The following RIMKLB variants were observed in gnomAD, a reference collection of about 807,000 sequenced individuals.
RIMKLB encodes ribosomal modification protein rimK like family member B, also known as beta-citrylglutamate synthase B.
In RIMKLB, 7 loss-of-function variants were observed where a neutral mutation model predicts 32.0. The ratio of observed to expected loss-of-function variants is 0.22; its 90% CI spans 0.12 to 0.41. The LOEUF (loss-of-function observed/expected upper bound fraction) is 0.41, where lower values mean the gene tolerates loss of function less well. Ranked by LOEUF, RIMKLB falls within the 10% of genes least tolerant of loss-of-function variation. RIMKLB has a pLI of 1.00. For synonymous variants in RIMKLB, 172 were observed against 185.1 expected, an observed-to-expected ratio of 0.93 and a Z score of 0.57; for missense variants, 289 against 498.7, an observed-to-expected ratio of 0.58 and a Z score of 4.00.
At chr12:8,768,661 C>G (rs180755541) in intron 5 of RIMKLB, among the ~76,000 whole-genome samples, 74 of 152,254 alleles carry the variant, frequency 4.9e-4, no homozygotes, top group East Asian at 3.9e-4. Context: ...AGCCGTGAAC[C>G]TTTCTCATCC....
intron 5 of RIMKLB, among the ~76,000 whole-genome samples, chr12:8,761,859 G>A (rs1397238094): frequency 6.6e-6 from 1 of 152,122 alleles, no homozygotes; most frequent in Non-Finnish European, 1.5e-5. Flanking sequence ...AGATTTCCTC[G>A]GGAGGGGTGC....
chr12:8,727,529 A>G (rs1946141870), intron 2 of RIMKLB, among the ~76,000 whole-genome samples: 2 of 152,172 alleles, frequency 1.3e-5, no homozygotes, highest in Non-Finnish European at 2.9e-5. Flanking sequence ...GAGCCACTGC[A>G]CTCAGCCAAA....
intron 2 of RIMKLB, among the ~76,000 whole-genome samples, chr12:8,745,493 C>G (rs1248872624): frequency 6.6e-6 from 1 of 151,640 alleles, no homozygotes; most frequent in Non-Finnish European, 1.5e-5. Flanking sequence ...CTCCCTGGTT[C>G]AAGCAGTTCT....
chr12:8,670,026 CAAAAAAAAA>C, the RIMKLB span, among the ~76,000 whole-genome samples: 13 of 36,944 alleles, frequency 3.5e-4, no homozygotes, highest in African/African-American at 1.2e-3. Context: ...GACTCCGTCT[CAAAAAAAAA>C]AAAAAAAAAA....
At chr12:8,673,378 A>G in the RIMKLB span, among the ~76,000 whole-genome samples, 1 of 152,146 alleles carries the variant, frequency 6.6e-6, no homozygotes, top group East Asian at 1.9e-4. Context: ...TTAACAAACT[A>G]CACCAAAAAC....
chr12:8,755,059 C>G (rs12820254), intron 5 of RIMKLB, among the ~76,000 whole-genome samples: 2,041 of 152,324 alleles, frequency 0.013, 18 homozygotes, highest in Admixed American at 0.035. Flanking sequence ...TCAAGTGATT[C>G]TCCTGCCTTA....
At chr12:8,764,349 A>G (rs1291825399) in intron 5 of RIMKLB, among the ~76,000 whole-genome samples, 5 of 152,154 alleles carry the variant, frequency 3.3e-5, no homozygotes, top group South Asian at 2.1e-4. Context: ...TCCTTGTCCT[A>G]TATTCAGGTG....
chr12:8,698,371 T>C (rs991696114), intron 1 of RIMKLB, 74 bp downstream of exon 1: 6 of 189,952 alleles, frequency 3.2e-5, no homozygotes, highest in Non-Finnish European at 2.3e-5. Flanking sequence ...AGTGGGCGAG[T>C]TCAGCGGAAT....
chr12:8,720,440 G>A (rs1232697103), intron 2 of RIMKLB, among the ~76,000 whole-genome samples: 2 of 152,148 alleles, frequency 1.3e-5, no homozygotes, highest in African/African-American at 4.8e-5. Context: ...AAGGGTCTCT[G>A]TTCACATGGA....
intron 1 of RIMKLB, among the ~76,000 whole-genome samples, chr12:8,687,514 T>G (rs1942610531): frequency 1.3e-5 from 2 of 152,322 alleles, no homozygotes; most frequent in South Asian, 4.1e-4. Flanking sequence ...TTTCTCCTTT[T>G]ATTTTCACAC....
At chr12:8,703,369 A>G (rs1269371567) in intron 1 of RIMKLB, among the ~76,000 whole-genome samples, 1 of 152,210 alleles carries the variant, frequency 6.6e-6, no homozygotes, top group African/African-American at 2.4e-5. Flanking sequence ...TTTGTCACCC[A>G]GGCTGAAGTA....
At chr12:8,690,951 T>C (rs769670659) in intron 1 of RIMKLB, among the ~76,000 whole-genome samples, 9 of 151,914 alleles carry the variant, frequency 5.9e-5, no homozygotes, top group Non-Finnish European at 1.2e-4. Flanking sequence ...AAAAAGAAGA[T>C]AATCCAAACC....
upstream of RIMKLB, among the ~76,000 whole-genome samples, chr12:8,694,388 TTTTTTTTC>T (rs993605376): frequency 6.3e-5 from 6 of 95,774 alleles, no homozygotes; most frequent in South Asian, 1.4e-3. Context: ...TCCTGTTGAA[TTTTTTTTC>T]TTTTTTTTTT....
chr12:8,679,174 T>C (rs989460778), upstream of RIMKLB: 1 of 152,172 alleles, frequency 6.6e-6, no homozygotes, highest in African/African-American at 2.4e-5. Flanking sequence ...CTGAGCCATT[T>C]ATTCTTTGTT....
At chr12:8,759,881 C>G (rs1949370423) in intron 5 of RIMKLB, among the ~76,000 whole-genome samples, 1 of 152,272 alleles carries the variant, frequency 6.6e-6, no homozygotes, top group South Asian at 2.1e-4. Flanking sequence ...ATTAGAGATT[C>G]TATTAGAGTG....
intron 1 of RIMKLB, among the ~76,000 whole-genome samples, chr12:8,688,995 C>T (rs920081453): frequency 6.6e-6 from 1 of 152,058 alleles, no homozygotes; most frequent in Non-Finnish European, 1.5e-5. Context: ...ACACCACACC[C>T]GACTAATTTT....
intron 1 of RIMKLB, among the ~76,000 whole-genome samples, chr12:8,701,215 T>C (rs1943366711): frequency 6.6e-6 from 1 of 152,244 alleles, no homozygotes; most frequent in South Asian, 2.1e-4. Flanking sequence ...GTACAGATGT[T>C]GGAAATTGTC....
intron 2 of RIMKLB, among the ~76,000 whole-genome samples, chr12:8,745,566 G>A (rs1028917932): frequency 6.8e-6 from 1 of 147,820 alleles, no homozygotes; most frequent in African/African-American, 2.5e-5. Context: ...GGCTAATTTT[G>A]TATTTTTAGT....
Position 8,782,910 on chromosome 12 carries a change from A to G in RIMKLB, c.*298-2A>G, listed in dbSNP as rs1261401533. 1.3e-5 allele frequency: 2 copies of G among 152,272 alleles called. No individual in the cohort carries two copies. The highest frequency in any genetic ancestry group is 6.5e-5 in the Admixed American group (1 of 15,298). 9.4% of individuals were successfully genotyped at this position (152,272 alleles called of 1,614,324 possible). A position where few individuals can be genotyped will look rare whatever the true frequency, so the allele number is the denominator to read the frequency against. On this transcript the variant is annotated splice_acceptor_variant, in intron 7 of 7. Transcript: ENST00000619374. LOFTEE classifies it low-confidence loss of function (3UTR_SPLICE). ...TAAATAAGTTGTGTTTTTCCCCCCT[A>G]GGTTCTTTTGAAGTAACCAGTGATC...
Sources: gnomAD v4.1 joint callset for allele counts (sites outside exome capture counted in the v4.1 genomes callset) on GRCh38, gnomAD v4.1.1 for gene constraint, MANE v1.5 for transcripts, NCBI Gene and HGNC (gene_info 2026-07-23, HGNC 2026-07-21) for gene names.